The following PCDHA5 variants were observed in gnomAD, a reference collection of about 807,000 sequenced individuals.
PCDHA5 encodes protocadherin alpha-5.
PCDHA5 carries 43 observed loss-of-function variants against 61.6 expected under a neutral mutation model. That is an observed-to-expected ratio of 0.70 (90% confidence interval 0.55 to 0.90). The LOEUF (loss-of-function observed/expected upper bound fraction) is 0.90, where lower values mean the gene tolerates loss of function less well. PCDHA5 is among the 40% of genes least tolerant of loss of function. The probability of loss-of-function intolerance (pLI) is 0.00; values close to 1 mark genes in which losing one functional copy is unlikely to be tolerated. For missense variants in PCDHA5, 1,298 were observed against 1,222.7 expected, an observed-to-expected ratio of 1.06 and a Z score of -0.92; for synonymous variants, 627 against 543.9, an observed-to-expected ratio of 1.15 and a Z score of -2.13.
At chr5:140,976,203 A>T (rs1301475935) in intron 1 of PCDHA5, among the ~76,000 whole-genome samples, 1 of 152,220 alleles carries the variant, frequency 6.6e-6, no homozygotes, top group East Asian at 1.9e-4. Flanking sequence ...GAAACTCAGA[A>T]GTAAAAAAGA....
At position 141,009,997 on chromosome 5, in the gene PCDHA5, A is replaced by C; in HGVS notation, c.*60A>C. 1 of 1,576,442 alleles carries C rather than the reference A, an allele frequency of 6.3e-7. No individual in the cohort carries two copies. The highest frequency in any genetic ancestry group is 2.2e-5 in the East Asian group (1 of 44,650). On this transcript the variant is annotated 3_prime_UTR_variant, in exon 4 of 4. Transcript: ENST00000529859. ...TTTGTAATAATGGCAAATCTCTCCC[A>C]TGTAGCAATTCCCTGCTCCTTTTTC...
Position 140,896,173 on chromosome 5 carries a change from TTGCTATTGTGAATAG to T in PCDHA5, c.2352+72050_2352+72064del, listed in dbSNP as rs1554186855. On this transcript the variant is annotated intron_variant, in intron 1 of 3. Transcript: ENST00000529859. ...GGGCATTTAGGATTATTCTCTGTCT[TTGCTATTGTGAATAG>T]TGCCATGATGAACATACACATACAT... 2.6e-4 allele frequency among the ~76,000 whole-genome samples: 40 copies of T among 152,340 alleles called. 1 individual carries two copies. The East Asian group carries it at 5.2e-3, about 20-fold the overall frequency.
chr5:140,907,009 C>A (rs2193983), intron 1 of PCDHA5, among the ~76,000 whole-genome samples: 26,809 of 152,052 alleles, frequency 0.18, 2,652 homozygotes, highest in African/African-American at 0.27. Flanking sequence ...GGAACTAAGA[C>A]CTCTAGGCCA....
chr5:140,897,415 A>G (rs2066090522), intron 1 of PCDHA5, among the ~76,000 whole-genome samples: 1 of 138,406 alleles, frequency 7.2e-6, no homozygotes, highest in South Asian at 2.3e-4. Context: ...TTCAATTCCC[A>G]TCTATGAGTG....
chr5:140,963,312 TG>T (rs2153735087), intron 1 of PCDHA5, among the ~76,000 whole-genome samples: 1 of 152,332 alleles, frequency 6.6e-6, no homozygotes, highest in African/African-American at 2.4e-5. Flanking sequence ...AGAAGCTGTT[TG>T]TATTAGAATT....
intron 1 of PCDHA5, chr5:140,929,343 A>G (rs1204297753): frequency 2.0e-6 from 3 of 1,531,032 alleles, no homozygotes; most frequent in Non-Finnish European, 2.6e-6. Context: ...AATTTTATGG[A>G]ATTTGATTCC....
At chr5:140,829,835 C>T (rs2150175737) in intron 1 of PCDHA5, 4 of 1,613,904 alleles carry the variant, frequency 2.5e-6, no homozygotes, top group Non-Finnish European at 3.4e-6. Flanking sequence ...CGAGCTGGTG[C>T]CGCGGTCACT....
chr5:140,883,443 A>G (rs2059611817), intron 1 of PCDHA5: 1 of 1,614,136 alleles, frequency 6.2e-7, no homozygotes. Flanking sequence ...TTGACGCCGC[A>G]TGTCCCCTTC....
intron 1 of PCDHA5, chr5:140,875,784 C>T (rs782115108): frequency 3.7e-5 from 60 of 1,614,200 alleles, no homozygotes; most frequent in Non-Finnish European, 5.0e-5. Flanking sequence ...AGTGCAGTAT[C>T]CACCTGGAGG....
intron 1 of PCDHA5, among the ~76,000 whole-genome samples, chr5:140,914,956 T>C (rs2076915145): frequency 6.6e-6 from 1 of 150,718 alleles, no homozygotes; most frequent in African/African-American, 2.4e-5. Flanking sequence ...TTTTTTTTTT[T>C]TTTTTTCTGA....
intron 1 of PCDHA5, among the ~76,000 whole-genome samples, chr5:140,938,931 A>T (rs1371527205): frequency 6.6e-6 from 1 of 152,044 alleles, no homozygotes; most frequent in African/African-American, 2.4e-5. Context: ...TTGGCTTTTA[A>T]CTTTCCATTC....
intron 1 of PCDHA5, chr5:140,853,528 C>A (rs75012399): frequency 0.045 from 43,855 of 978,338 alleles, 4,320 homozygotes; most frequent in Non-Finnish European, 0.05. Flanking sequence ...CCTCCTATGT[C>A]TCTTTTCAAG....
intron 1 of PCDHA5, among the ~76,000 whole-genome samples, chr5:140,906,929 C>T (rs1488297059): frequency 3.9e-5 from 6 of 152,122 alleles, no homozygotes; most frequent in African/African-American, 9.7e-5. Flanking sequence ...AAAAGTGTCC[C>T]GGTGTCAATC....
chr5:140,923,183 C>G (rs2081208346), intron 1 of PCDHA5, among the ~76,000 whole-genome samples: 2 of 152,206 alleles, frequency 1.3e-5, no homozygotes, highest in South Asian at 4.1e-4. Context: ...TCAGATGCAT[C>G]TACTGCAGCA....
intron 1 of PCDHA5, among the ~76,000 whole-genome samples, chr5:140,930,820 A>T (rs2153606213): frequency 6.6e-6 from 1 of 152,346 alleles, no homozygotes; most frequent in East Asian, 1.9e-4. Flanking sequence ...TGCTTAGTAA[A>T]TGCTGACTGA....
chr5:140,985,298 C>T (rs770798262), intron 3 of PCDHA5, among the ~76,000 whole-genome samples: 1 of 152,124 alleles, frequency 6.6e-6, no homozygotes, highest in Non-Finnish European at 1.5e-5. Context: ...ATAGTGTTGG[C>T]TGATAGCCTG....
chr5:140,829,342 C>T (rs17844302), intron 1 of PCDHA5: 7 of 1,614,106 alleles, frequency 4.3e-6, no homozygotes, highest in African/African-American at 2.7e-5. Flanking sequence ...ACCGCGAGAG[C>T]GTGTCGGCCT....
chr5:140,873,205 T>TTTTAAAAGTATTCTTAA (rs2054160501), intron 1 of PCDHA5, among the ~76,000 whole-genome samples: 1 of 152,206 alleles, frequency 6.6e-6, no homozygotes, highest in Non-Finnish European at 1.5e-5. Flanking sequence ...AAACATTCTT[T>TTTTAAAAGTATTCTTAA]AAGTATTAAA....
chr5:140,857,804 G>A, intron 1 of PCDHA5: 1 of 1,597,858 alleles, frequency 6.3e-7, no homozygotes, highest in Non-Finnish European at 8.6e-7. Context: ...GTCGGTGGTT[G>A]CGGGTCACGT....
Sources: allele counts gnomAD v4.1 joint callset (sites outside exome capture counted in the v4.1 genomes callset), GRCh38; gene constraint gnomAD v4.1.1; transcripts MANE v1.5; gene names NCBI Gene and HGNC (gene_info 2026-07-23, HGNC 2026-07-21).